The following METTL24 variants were observed in gnomAD, a reference collection of about 807,000 sequenced individuals.
METTL24 encodes probable methyltransferase-like protein 24.
METTL24 carries 29 observed loss-of-function variants against 32.7 expected under a neutral mutation model. That is an observed-to-expected ratio of 0.89 (90% CI 0.66 to 1.21). METTL24 has a LOEUF of 1.21. METTL24 is among the 50% of genes most tolerant of loss of function. The pLI is 0.00. For synonymous variants in METTL24, 163 were observed against 179.5 expected, an observed-to-expected ratio of 0.91 and a Z score of 0.73; for missense variants, 439 against 468.1, an observed-to-expected ratio of 0.94 and a Z score of 0.57.
chr6:110,356,422 G>A (rs943460336), intron 1 of METTL24, among the ~76,000 whole-genome samples: 1 of 151,720 alleles, frequency 6.6e-6, no homozygotes, highest in Non-Finnish European at 1.5e-5. Context: ...CAGCCTGGGC[G>A]ACACAGCAAG....
In METTL24 at chr6:110,268,553, C is replaced by T. The variant is rs138267107; in HGVS notation, c.787-22293G>A. 5.0e-4 allele frequency among the ~76,000 whole-genome samples: 76 copies of T among 152,262 alleles called. No individual in the cohort carries two copies. In the East Asian group the frequency reaches 0.015, roughly 29 times the overall value. ...GCTTGCTGCCATTCCTGGGGGTAAG[C>T]GGCAGAAATCCAGCCTGGCTGCAAA... On this transcript the variant is annotated intron_variant, in intron 4 of 4. Coordinates refer to ENST00000338882, the MANE Select transcript of METTL24 (RefSeq NM_001123364.3).
chr6:110,336,722 C>T (rs1772239774), intron 1 of METTL24, among the ~76,000 whole-genome samples: 1 of 129,010 alleles, frequency 7.8e-6, no homozygotes, highest in African/African-American at 3.1e-5. Flanking sequence ...CTGGGCGACA[C>T]AGCAAGACTC....
At chr6:110,351,505 A>G (rs1421594052) in intron 1 of METTL24, among the ~76,000 whole-genome samples, 4 of 152,228 alleles carry the variant, frequency 2.6e-5, no homozygotes, top group African/African-American at 9.6e-5. Context: ...GTAAAACCAA[A>G]GCTACCCTAT....
intron 4 of METTL24, among the ~76,000 whole-genome samples, chr6:110,284,452 A>G (rs966554164): frequency 6.6e-6 from 1 of 152,190 alleles, no homozygotes; most frequent in Non-Finnish European, 1.5e-5. Context: ...CGTTGCACAT[A>G]GAAGATGCTT....
intron 3 of METTL24, among the ~76,000 whole-genome samples, chr6:110,307,242 T>C (rs1052365620): frequency 1.6e-4 from 24 of 152,232 alleles, no homozygotes; most frequent in Admixed American, 2.6e-4. Context: ...AAGTTAAACA[T>C]GGTCCTTGAT....
At chr6:110,328,216 T>A (rs895361580) in intron 1 of METTL24, among the ~76,000 whole-genome samples, 1 of 152,180 alleles carries the variant, frequency 6.6e-6, no homozygotes, top group African/African-American at 2.4e-5. Context: ...CAGACAAGCA[T>A]TTCTCAGGGC....
intron 2 of METTL24, among the ~76,000 whole-genome samples, chr6:110,318,369 C>T (rs115021984): frequency 0.011 from 1,712 of 152,178 alleles, 17 homozygotes; most frequent in Middle Eastern, 0.017. Context: ...ACACAAGGGC[C>T]GGGCGTGGTG....
rs34442447 is a variant in METTL24, at chr6:110,244,970, T to TTATCTATCTATCTATCTATCTATC, written c.*952_*975dup. ...AAACATGCCAGTAGGAAAATCTATC[T>TTATCTATCTATCTATCTATCTATC]TATCTATCTATCTATCTATCTATCT... On this transcript the variant is annotated 3_prime_UTR_variant, in exon 5 of 5. Transcript: ENST00000338882. Among the ~76,000 whole-genome samples the TTATCTATCTATCTATCTATCTATC allele has an allele frequency of 1.2e-3, 184 of 150,084 alleles. 2 individuals are homozygous for TTATCTATCTATCTATCTATCTATC. The highest frequency in any genetic ancestry group is 1.7e-3 in the African/African-American group (70 of 40,402).
chr6:110,354,853 C>T (rs1002835646), intron 1 of METTL24, among the ~76,000 whole-genome samples: 10 of 151,972 alleles, frequency 6.6e-5, no homozygotes, highest in South Asian at 2.1e-4. Context: ...ATGTATATCC[C>T]GAAAATAATA....
At position 110,357,999 on chromosome 6, in the gene METTL24, G is replaced by C; in HGVS notation, c.274C>G (p.Pro92Ala). The change falls in exon 1 of 5, where the codon CCG (proline) becomes GCG (alanine). Residue 92 changes from proline (P) to alanine (A), a missense_variant. Physicochemically the swap from Pro to Ala is conservative, Grantham distance 27 (BLOSUM62 -1). Transcript: ENST00000338882. ...CGCGGGGCACAGCAGCCAGGCTCCG[G>C]CGTCCCGCTCCCGCCGCCCCCCGGC... Reference protein sequence around the residue: ...APPGGGGSGTPEPGCCAPRGR... With the variant: ...APPGGGGSGTAEPGCCAPRGR... 5.1e-6 allele frequency: 6 copies of C among 1,171,526 alleles called. No individual in the cohort carries two copies. Among genetic ancestry groups the C allele is most frequent in the Non-Finnish European group, 6.3e-6 (6 of 949,312 alleles). 72.6% of individuals were successfully genotyped at this position (1,171,526 alleles called of 1,614,324 possible).
intron 4 of METTL24, among the ~76,000 whole-genome samples, chr6:110,291,198 G>A (rs2114725166): frequency 6.6e-6 from 1 of 152,170 alleles, no homozygotes; most frequent in Admixed American, 6.5e-5. Context: ...TCTTTATAAA[G>A]TCCAATTTAT....
At chr6:110,343,431 T>C (rs191910187) in intron 1 of METTL24, among the ~76,000 whole-genome samples, 5 of 152,300 alleles carry the variant, frequency 3.3e-5, no homozygotes, top group South Asian at 2.1e-4. Context: ...ATTTTATGAA[T>C]TGTCTAGTAG....
intron 1 of METTL24, 59 bp from the exon 2 acceptor site, chr6:110,322,931 A>C: frequency 7.3e-7 from 1 of 1,370,350 alleles, no homozygotes; most frequent in Non-Finnish European, 1.0e-6. Flanking sequence ...TGGGAGGAGA[A>C]GGACACAGTA....
intron 1 of METTL24, among the ~76,000 whole-genome samples, chr6:110,326,812 CT>C (rs1299085842): frequency 6.6e-6 from 1 of 152,228 alleles, no homozygotes; most frequent in East Asian, 1.9e-4. Flanking sequence ...AATCTCCTGC[CT>C]CCTGTTGGCC....
intron 4 of METTL24, among the ~76,000 whole-genome samples, chr6:110,283,148 G>C (rs1771166184): frequency 1.3e-5 from 2 of 152,084 alleles, no homozygotes; most frequent in Admixed American, 6.6e-5. Flanking sequence ...TAGAAGCAAT[G>C]CTCTAAGAAT....
chr6:110,250,547 ACCCATAACAGTGTTTGGGGTAGCTT>A (rs1342329277), intron 4 of METTL24, among the ~76,000 whole-genome samples: 1 of 151,930 alleles, frequency 6.6e-6, no homozygotes, highest in African/African-American at 2.4e-5. Flanking sequence ...ACACAATTCA[ACCCATAACAGTGTTTGGGGTAGCTT>A]TTGCAATAGG....
intron 4 of METTL24, among the ~76,000 whole-genome samples, chr6:110,273,941 C>T (rs1194968588): frequency 6.6e-6 from 1 of 152,218 alleles, no homozygotes; most frequent in Non-Finnish European, 1.5e-5. Context: ...TATAGCAGCA[C>T]AATTCGCAAC....
chr6:110,312,724 G>T (rs144098747), intron 3 of METTL24, among the ~76,000 whole-genome samples: 1 of 152,282 alleles, frequency 6.6e-6, no homozygotes, highest in African/African-American at 2.4e-5. Flanking sequence ...GTGAAGAGAG[G>T]TTGTTTAACA....
chr6:110,293,659 A>T (rs1008290123), intron 4 of METTL24, among the ~76,000 whole-genome samples: 3 of 152,014 alleles, frequency 2.0e-5, no homozygotes, highest in Admixed American at 1.3e-4. Flanking sequence ...TACACACTGT[A>T]TGATTCTGTT....
Sources: gnomAD v4.1 joint callset for allele counts (sites outside exome capture counted in the v4.1 genomes callset) on GRCh38, gnomAD v4.1.1 for gene constraint, MANE v1.5 for transcripts, NCBI Gene and HGNC (gene_info 2026-07-23, HGNC 2026-07-21) for gene names.